Variants in NLGN1 observed in about 807,000 individuals in gnomAD.
NLGN1 encodes the protein neuroligin 1.
A neutral mutation model predicts 65.5 loss-of-function variants in NLGN1; 12 were observed. The ratio of observed to expected loss-of-function variants is 0.18; its 90% CI spans 0.12 to 0.30. The LOEUF is 0.30. Among genes scored for constraint, NLGN1 ranks in the 10% least tolerant of loss-of-function variants. The probability of loss-of-function intolerance (pLI) is 1.00; values close to 1 mark genes in which losing one functional copy is unlikely to be tolerated. For synonymous variants in NLGN1, 350 were observed against 359.5 expected, an observed-to-expected ratio of 0.97 and a Z score of 0.30; for missense variants, 750 against 1,007.1, an observed-to-expected ratio of 0.74 and a Z score of 3.46.
intron 4 of NLGN1, among the ~76,000 whole-genome samples, chr3:174,088,828 C>A (rs1009166444): frequency 6.6e-6 from 1 of 151,240 alleles, no homozygotes; most frequent in African/African-American, 2.4e-5. Flanking sequence ...TTTTTTACTT[C>A]TTAAAAATCA....
intron 4 of NLGN1, chr3:173,920,798 T>A (rs1194180706): frequency 1.3e-5 from 2 of 151,914 alleles, no homozygotes; most frequent in African/African-American, 4.8e-5. Context: ...CTTAGCTTGT[T>A]TAGGTAGAGA....
downstream of NLGN1, among the ~76,000 whole-genome samples, chr3:174,289,203 T>C (rs562837037): frequency 6.6e-6 from 1 of 151,542 alleles, no homozygotes; most frequent in South Asian, 2.1e-4. Flanking sequence ...CCCTTTTATG[T>C]TCCAGATTCT....
intron 3 of NLGN1, among the ~76,000 whole-genome samples, chr3:173,795,966 TC>T (rs918180401): frequency 5.9e-5 from 9 of 152,112 alleles, no homozygotes; most frequent in African/African-American, 2.2e-4. Flanking sequence ...TTTCCATCTA[TC>T]ATGGTGGGAC....
chr3:174,057,142 A>G (rs1736318166), intron 4 of NLGN1, among the ~76,000 whole-genome samples: 1 of 152,076 alleles, frequency 6.6e-6, no homozygotes, highest in Non-Finnish European at 1.5e-5. Context: ...AAAAAAAAGA[A>G]CTTAATTGGT....
At chr3:173,517,874 A>G (rs1210757902) in intron 2 of NLGN1, among the ~76,000 whole-genome samples, 1 of 152,016 alleles carries the variant, frequency 6.6e-6, no homozygotes, top group Non-Finnish European at 1.5e-5. Context: ...ATGAAGTTCC[A>G]ATATATAGAT....
intron 1 of NLGN1, among the ~76,000 whole-genome samples, chr3:173,434,116 T>A (rs1001219628): frequency 4.6e-5 from 7 of 152,036 alleles, no homozygotes; most frequent in African/African-American, 1.4e-4. Context: ...AACTAGAAAG[T>A]GGGGGTCAGG....
chr3:173,536,468 T>A (rs1737454722), intron 2 of NLGN1, among the ~76,000 whole-genome samples: 1 of 152,170 alleles, frequency 6.6e-6, no homozygotes, highest in Non-Finnish European at 1.5e-5. Context: ...TAGTAAGATA[T>A]TAAGGCAGTA....
intron 3 of NLGN1, among the ~76,000 whole-genome samples, chr3:173,739,110 A>C: frequency 6.6e-6 from 1 of 152,114 alleles, no homozygotes; most frequent in Non-Finnish European, 1.5e-5. Flanking sequence ...TGGCACAAAC[A>C]AAAGCTCCCC....
At chr3:173,836,325 C>A (rs1423904576) in intron 4 of NLGN1, among the ~76,000 whole-genome samples, 1 of 151,922 alleles carries the variant, frequency 6.6e-6, no homozygotes, top group Non-Finnish European at 1.5e-5. Flanking sequence ...AGATTTTATT[C>A]ATAAAACAAT....
At chr3:173,442,959 A>T (rs923159560) in intron 2 of NLGN1, among the ~76,000 whole-genome samples, 1 of 152,152 alleles carries the variant, frequency 6.6e-6, no homozygotes, top group African/African-American at 2.4e-5. Context: ...CTATACAACC[A>T]GTTTACGGAA....
chr3:173,845,545 A>G (rs1373952463), intron 4 of NLGN1, among the ~76,000 whole-genome samples: 2 of 152,088 alleles, frequency 1.3e-5, no homozygotes, highest in Non-Finnish European at 2.9e-5. Context: ...ATTTTTACTT[A>G]AGATAGATGG....
chr3:173,951,753 G>C (rs982846107), intron 4 of NLGN1, among the ~76,000 whole-genome samples: 1 of 152,006 alleles, frequency 6.6e-6, no homozygotes. Context: ...GAGCCACTGC[G>C]CCAGGCCGAG....
chr3:173,422,795 G>A (rs1289978532), intron 1 of NLGN1, among the ~76,000 whole-genome samples: 2 of 152,218 alleles, frequency 1.3e-5, no homozygotes, highest in African/African-American at 4.8e-5. Context: ...TAGACCATTT[G>A]TCTGTTTTTA....
chr3:173,615,101 TA>T (rs1388131557), intron 3 of NLGN1, among the ~76,000 whole-genome samples: 1 of 152,092 alleles, frequency 6.6e-6, no homozygotes, highest in African/African-American at 2.4e-5. Flanking sequence ...GGTGTTCTTA[TA>T]GGGGTAGAGG....
chr3:173,655,153 G>A (rs1359224446), intron 3 of NLGN1, among the ~76,000 whole-genome samples: 2 of 152,006 alleles, frequency 1.3e-5, no homozygotes, highest in Admixed American at 6.6e-5. Flanking sequence ...ACCTCAGAAG[G>A]GGAAAAGCTA....
intron 3 of NLGN1, 107 bp downstream of exon 2, chr3:173,605,198 G>A: frequency 1.1e-6 from 1 of 913,224 alleles, no homozygotes; most frequent in Non-Finnish European, 1.6e-6. Context: ...GGCTTTTCCT[G>A]TTGGCATGTA....
At chr3:174,214,447 A>T (rs1421156307) in intron 4 of NLGN1, among the ~76,000 whole-genome samples, 2 of 152,208 alleles carry the variant, frequency 1.3e-5, no homozygotes, top group Admixed American at 1.3e-4. Flanking sequence ...AAATATGTTA[A>T]TAACTACTTT....
chr3:173,934,935 GT>G (rs1418646153), intron 4 of NLGN1, among the ~76,000 whole-genome samples: 1 of 151,904 alleles, frequency 6.6e-6, no homozygotes, highest in Non-Finnish European at 1.5e-5. Flanking sequence ...CTAGTATTTT[GT>G]TTCAAAAATT....
intron 2 of NLGN1, among the ~76,000 whole-genome samples, chr3:173,573,517 A>T (rs965633379): frequency 1.3e-5 from 2 of 148,188 alleles, no homozygotes; most frequent in Non-Finnish European, 3.0e-5. Flanking sequence ...AATTCAGTAT[A>T]TTTAATATAT....
Sources: allele counts gnomAD v4.1 joint callset (sites outside exome capture counted in the v4.1 genomes callset), GRCh38; gene constraint gnomAD v4.1.1; transcripts MANE v1.5; gene names NCBI Gene and HGNC (gene_info 2026-07-23, HGNC 2026-07-21).